Variants in RPS16 observed in about 807,000 individuals in gnomAD.
RPS16 encodes the protein ribosomal protein S16, also known as small ribosomal subunit protein uS9.
Under a neutral mutation model 20.1 loss-of-function variants are expected in RPS16, and 2 were observed. That is an observed-to-expected ratio of 0.10 (90% CI 0.04 to 0.31). The LOEUF (loss-of-function observed/expected upper bound fraction) is 0.31, where lower values mean the gene tolerates loss of function less well. Among genes scored for constraint, RPS16 ranks in the 10% least tolerant of loss-of-function variants. The pLI is 1.00. For synonymous variants in RPS16, 95 were observed against 76.1 expected, an observed-to-expected ratio of 1.25 and a Z score of -1.29; for missense variants, 129 against 198.6, an observed-to-expected ratio of 0.65 and a Z score of 2.11.
At position 39,435,365 on chromosome 19, in the gene RPS16, A is replaced by G. The variant is rs2078855305; in HGVS notation, c.150+242T>C. ...CCCTTTGGGTCCCCCCGCCCCAGTG[A>G]GGTGAGCTTCCTAACATCCCAGTTC... On this transcript the variant is annotated intron_variant, in intron 2 of 4. Transcript: ENST00000251453. 2.2e-5 allele frequency: 11 copies of G among 507,090 alleles called. No individual in the cohort carries two copies. The South Asian group carries it at 3.4e-4, about 16-fold the overall frequency. 31.4% of individuals were successfully genotyped at this position (507,090 alleles called of 1,614,324 possible).
In RPS16 at chr19:39,435,628, C is replaced by T; in HGVS notation, c.129G>A (p.Glu43=). The T allele has an allele frequency of 6.2e-7, 1 of 1,613,866 alleles. No homozygotes were observed. Among genetic ancestry groups the T allele is most frequent in the Non-Finnish European group, 8.5e-7 (1 of 1,180,036 alleles). Residue 43 remains glutamate (E), a synonymous_variant, in exon 2 of 5, where the codon GAG becomes GAA. Coordinates refer to ENST00000251453, the MANE Select transcript of RPS16 (RefSeq NM_001020.6). ...GCACCTTGTACTGTAGCGTGCGCGG[C>T]TCAATCATCTCCAGGGGCCGCCCGT... ...KVNGRPLEMI[E]PRTLQYKLLE...
At chr19:39,434,814 T>A (rs1271952400) in intron 2 of RPS16, 1 of 152,212 alleles carries the variant, frequency 6.6e-6, no homozygotes, top group Admixed American at 6.5e-5. Flanking sequence ...ATACTGTTTT[T>A]AAAAAAGAAC....
rs201121247 is a variant in RPS16 at position 39,435,907 on chromosome 19, T to C, written c.-12A>G. On this transcript the variant is annotated 5_prime_UTR_variant, in exon 1 of 5. Transcript: ENST00000251453. ...CCCTTGGACGGCATGGCTCCGAGCGTGGACTAGACAACCTCACCGCGCGGC... is the reference window on the plus strand; with the variant it reads ...CCCTTGGACGGCATGGCTCCGAGCGCGGACTAGACAACCTCACCGCGCGGC... 118 of 1,604,198 alleles carry C rather than the reference T, an allele frequency of 7.4e-5. No homozygotes were observed. The African/African-American group carries it at 1.2e-3, about 16-fold the overall frequency.
rs747007944 is a variant in RPS16 at position 39,433,778 on chromosome 19, T to G, written c.151-17A>C. On this transcript the variant is annotated splice_polypyrimidine_tract_variant and intron_variant, in intron 2 of 4. Coordinates refer to ENST00000251453, the MANE Select transcript of RPS16 (RefSeq NM_001020.6). The stretch of plus-strand genomic sequence containing the variant: ...CTCCAGCAGCTAAAGGAATGGGGAA[T>G]GAACAGGGATTTAAGTTACATGCTG... The G allele has an allele frequency of 1.2e-6, 2 of 1,612,572 alleles. No homozygotes were observed. Among genetic ancestry groups the G allele is most frequent in the Non-Finnish European group, 1.7e-6 (2 of 1,179,394 alleles).
rs1320341371 is a variant in RPS16 at position 39,433,268 on chromosome 19, T to C, written c.*5A>G. 5 of 1,612,358 alleles carry C rather than the reference T, an allele frequency of 3.1e-6. No individual in the cohort carries two copies. Among genetic ancestry groups the C allele is most frequent in the Non-Finnish European group, 3.4e-6 (4 of 1,179,984 alleles). On this transcript the variant is annotated 3_prime_UTR_variant, in exon 5 of 5. Transcript: ENST00000251453. The stretch of plus-strand genomic sequence containing the variant: ...TATACAAGTGAGTTTTGAGTCACGA[T>C]GGGCTTATCGGTAGGATTTCTGGTA...
intron 1 of RPS16, 43 bp from the exon 2 acceptor site, chr19:39,435,751 C>A (rs1419637118): frequency 1.2e-6 from 2 of 1,607,646 alleles, no homozygotes; most frequent in Admixed American, 1.7e-5. Flanking sequence ...AGCTCCGGCT[C>A]CAGCTCCCAT....
At position 39,433,375 on chromosome 19, in the gene RPS16, G is replaced by C. The variant is rs776926865; in HGVS notation, c.339C>G (p.Ile113Met). The C allele has an allele frequency of 6.2e-7, 1 of 1,614,198 alleles. No individual in the cohort carries two copies. The highest frequency in any genetic ancestry group is 8.5e-7 in the Non-Finnish European group (1 of 1,180,034). The change falls in exon 5 of 5, where the codon ATC becomes ATG. Residue 113 changes from isoleucine to methionine, a missense_variant. This residue lies in a region of RPS16 where 117 missense variants were observed against 151.4 expected (regional missense o/e 0.77). Transcript: ENST00000251453. ...ASKKEIKDIL[I>M]QYDRTLLVAD... Reference sequence around the variant, plus strand: ...CTACCAGCAGGGTCCGGTCATACTGGATGAGGATGTCTTTGATCTCCTTCT... The same window carrying C: ...CTACCAGCAGGGTCCGGTCATACTGCATGAGGATGTCTTTGATCTCCTTCT...
At position 39,433,737 on chromosome 19, in the gene RPS16, C is replaced by A; in HGVS notation, c.175G>T (p.Gly59Cys). ...YKLLEPVLLL[G>C]KERFAGVDIR... Reference sequence around the variant, plus strand: ...TCTACACCAGCAAATCGCTCCTTGCCGAGAAGCAGAACTGGCTCCAGCAGC... The same window carrying A: ...TCTACACCAGCAAATCGCTCCTTGCAGAGAAGCAGAACTGGCTCCAGCAGC... The change falls in exon 3 of 5, where the codon GGC becomes TGC. Residue 59 changes from glycine (G) to cysteine (C), a missense_variant. Transcript: ENST00000251453. The A allele has an allele frequency of 6.2e-7, 1 of 1,614,090 alleles. No homozygotes were observed. The highest frequency in any genetic ancestry group is 8.5e-7 in the Non-Finnish European group (1 of 1,180,034).
At chr19:39,435,805 G>GCCTTCT in intron 1 of RPS16, 43 bp downstream of exon 1, 1 of 1,608,582 alleles carries the variant, frequency 6.2e-7, no homozygotes, top group Non-Finnish European at 8.5e-7. Context: ...CCAGACCCTG[G>GCCTTCT]CCTTCTCCTT....
rs377713546 is a variant in RPS16, at chr19:39,433,483, C to A, written c.295+39G>T. ...CAGAGTCCTTGACTTGATCCCCACA[C>A]ACCCATCTACCTCATGGGAAGGACC... On this transcript the variant is annotated intron_variant, in intron 4 of 4. Coordinates refer to ENST00000251453, the MANE Select transcript of RPS16 (RefSeq NM_001020.6). 4.4e-4 allele frequency: 706 copies of A among 1,613,020 alleles called. 3 individuals are homozygous for A. In the African/African-American group the frequency reaches 8.7e-3, roughly 20 times the overall value.
intron 2 of RPS16, 42 bp downstream of exon 2, chr19:39,435,565 A>G: frequency 1.3e-6 from 2 of 1,531,168 alleles, no homozygotes; most frequent in Non-Finnish European, 1.8e-6. Flanking sequence ...TCTGTCTCCA[A>G]GAGTCCTCCA....
Position 39,433,744 on chromosome 19 carries a change from C to A in RPS16, c.168G>T (p.Leu56=). Residue 56 remains leucine, a synonymous_variant, in exon 3 of 5, where the codon CTG becomes CTT. Coordinates refer to ENST00000251453, the MANE Select transcript of RPS16 (RefSeq NM_001020.6). ...CAGCAAATCGCTCCTTGCCGAGAAG[C>A]AGAACTGGCTCCAGCAGCTAAAGGA... ...TLQYKLLEPV[L]LLGKERFAGV... is the part of the protein sequence containing the mutation. 1 of 1,614,162 alleles carries A rather than the reference C, an allele frequency of 6.2e-7. No individual in the cohort carries two copies. Among genetic ancestry groups the A allele is most frequent in the Non-Finnish European group, 8.5e-7 (1 of 1,180,028 alleles).
rs758296271 is a variant in RPS16, at chr19:39,433,265, C to T, written c.*8G>A. ...TATTATACAAGTGAGTTTTGAGTCA[C>T]GATGGGCTTATCGGTAGGATTTCTG... On this transcript the variant is annotated 3_prime_UTR_variant, in exon 5 of 5. Transcript: ENST00000251453. 14 of 1,612,214 alleles carry T rather than the reference C, an allele frequency of 8.7e-6. No homozygotes were observed. Among genetic ancestry groups the T allele is most frequent in the East Asian group, 4.5e-5 (2 of 44,904 alleles).
chr19:39,434,916 G>A (rs1320538931), intron 2 of RPS16: 1 of 152,230 alleles, frequency 6.6e-6, no homozygotes. Context: ...GCAGAAATCA[G>A]ACTCTGGTTT....
rs1438457935 is a variant in RPS16, at chr19:39,435,500, T to G, written c.150+107A>C. The G allele has an allele frequency of 3.5e-6, 3 of 863,456 alleles. No individual in the cohort carries two copies. The East Asian group carries it at 7.9e-5, about 23-fold the overall frequency. The allele number at this position is 863,456 out of a possible 1,614,324, so 53.5% of individuals were successfully genotyped here. A position where few individuals can be genotyped will look rare whatever the true frequency, so the allele number is the denominator to read the frequency against. ...CCACTGTTCTACACCCAACACAACT[T>G]CTAAACATCCCGTTGCTGATGCCAG... On this transcript the variant is annotated intron_variant, in intron 2 of 4. Coordinates refer to ENST00000251453, the MANE Select transcript of RPS16 (RefSeq NM_001020.6).
chr19:39,435,494 A>G, intron 2 of RPS16, 113 bp downstream of exon 2: 1 of 809,538 alleles, frequency 1.2e-6, no homozygotes, highest in Non-Finnish European at 2.0e-6. Flanking sequence ...TACACCCAAC[A>G]CAACTTCTAA....
chr19:39,435,619 C>T lies in RPS16; in HGVS notation c.138G>A (p.Thr46=). The part of the protein sequence containing the change: ...GRPLEMIEPR[T]LQYKLLEPVL... ...CGGATCCCAGCACCTTGTACTGTAG[C>T]GTGCGCGGCTCAATCATCTCCAGGG... is the stretch of plus-strand genomic sequence containing the variant. Residue 46 remains threonine, a synonymous_variant, in exon 2 of 5, where the codon ACG becomes ACA. Coordinates refer to ENST00000251453, the MANE Select transcript of RPS16 (RefSeq NM_001020.6). 1.9e-6 allele frequency: 3 copies of T among 1,613,644 alleles called. No individual in the cohort carries two copies. The highest frequency in any genetic ancestry group is 2.5e-6 in the Non-Finnish European group (3 of 1,179,998).
At position 39,435,880 on chromosome 19, in the gene RPS16, G is replaced by C; in HGVS notation, c.16C>G (p.Pro6Ala). The change falls in exon 1 of 5, where the codon CCG (proline) becomes GCG (alanine). Residue 6 changes from proline (P) to alanine (A), a missense_variant. This residue lies in a region of RPS16 where 117 missense variants were observed against 151.4 expected (regional missense o/e 0.77). Transcript: ENST00000251453. ...CCGAAGACCTGCACAGACTGCAGCG[G>C]GCCCTTGGACGGCATGGCTCCGAGC... MPSKG[P>A]LQSVQVFGRK... 6.2e-7 allele frequency: 1 copy of C among 1,607,794 alleles called. No homozygotes were observed. Among genetic ancestry groups the C allele is most frequent in the Non-Finnish European group, 8.5e-7 (1 of 1,179,982 alleles).
chr19:39,433,595 G>A (rs760446946), intron 3 of RPS16, 26 bp from the exon 4 acceptor site: 7 of 1,614,052 alleles, frequency 4.3e-6, no homozygotes, highest in South Asian at 1.1e-5. Context: ...ACAATTAAAG[G>A]GTACAGGAGC....
Sources: gnomAD v4.1 joint callset for allele counts on GRCh38, gnomAD v4.1.1 for gene constraint, gnomAD v4.1.1 regional missense constraint, MANE v1.5 for transcripts, NCBI Gene and HGNC (gene_info 2026-07-23, HGNC 2026-07-21) for gene names.